Variants in SORCS1 observed in about 807,000 individuals in gnomAD.
SORCS1 encodes the protein sortilin related VPS10 domain containing receptor 1.
SORCS1 carries 60 observed loss-of-function variants against 146.1 expected under a neutral mutation model. That is an observed-to-expected ratio of 0.41 (90% CI 0.33 to 0.51). The LOEUF (loss-of-function observed/expected upper bound fraction) is 0.51. Among genes scored for constraint, SORCS1 ranks in the 20% least tolerant of loss-of-function variants. The probability of loss-of-function intolerance (pLI) is 0.21; values close to 1 mark genes in which losing one functional copy is unlikely to be tolerated. For synonymous variants in SORCS1, 637 were observed against 584.0 expected (o/e 1.09, Z -1.31); for missense variants, 1,352 against 1,487.6 (o/e 0.91, Z 1.50).
the SORCS1 span, among the ~76,000 whole-genome samples, chr10:107,171,514 CT>C: frequency 4.6e-3 from 537 of 117,284 alleles, 2 homozygotes; most frequent in Admixed American, 0.029. Context: ...GGGAATCCCC[CT>C]TTTTTTTTTT....
At chr10:107,172,916 T>C in the SORCS1 span, among the ~76,000 whole-genome samples, 2,133 of 152,332 alleles carry the variant, frequency 0.014, 36 homozygotes, top group African/African-American at 0.047. Context: ...ACATTGACAA[T>C]GTTTGTTAGC....
chr10:107,073,430 CT>C (rs1351475593), intron 1 of SORCS1, among the ~76,000 whole-genome samples: 3 of 152,098 alleles, frequency 2.0e-5, no homozygotes, highest in Non-Finnish European at 4.4e-5. Context: ...GGATTCTGCC[CT>C]CTAATTGAGG....
intron 1 of SORCS1, among the ~76,000 whole-genome samples, chr10:106,964,549 C>T (rs1031073253): frequency 5.9e-5 from 9 of 152,090 alleles, no homozygotes; most frequent in South Asian, 2.1e-4. Flanking sequence ...TGCAGTGGTG[C>T]GATCTTGGCT....
At chr10:106,719,498 C>T (rs1564894552) in intron 6 of SORCS1, among the ~76,000 whole-genome samples, 1 of 151,768 alleles carries the variant, frequency 6.6e-6, no homozygotes, top group African/African-American at 2.4e-5. Flanking sequence ...CTGCAACCTC[C>T]GTCTCCCAGG....
chr10:106,671,163 A>G (rs1851569335), intron 16 of SORCS1, 74 bp downstream of exon 16: 1 of 1,592,562 alleles, frequency 6.3e-7, no homozygotes, highest in Admixed American at 1.7e-5. Context: ...TATTATTTCA[A>G]TTCTAAGCTT....
intron 1 of SORCS1, among the ~76,000 whole-genome samples, chr10:107,146,461 G>A (rs576660242): frequency 1.3e-5 from 2 of 152,232 alleles, no homozygotes; most frequent in South Asian, 2.1e-4. Context: ...GGATCATAAC[G>A]TCTCAAAGAC....
intron 21 of SORCS1, among the ~76,000 whole-genome samples, chr10:106,614,999 T>C (rs1314179742): frequency 6.6e-6 from 1 of 151,778 alleles, no homozygotes; most frequent in Non-Finnish European, 1.5e-5. Context: ...AGACAAACCT[T>C]CCCCTGTCAA....
chr10:106,813,481 C>A (rs1471523228), intron 3 of SORCS1, among the ~76,000 whole-genome samples: 1 of 152,022 alleles, frequency 6.6e-6, no homozygotes, highest in Non-Finnish European at 1.5e-5. Flanking sequence ...GAAAAGAAAC[C>A]CAGAGTAAAC....
intron 2 of SORCS1, among the ~76,000 whole-genome samples, chr10:106,940,756 T>C (rs574622857): frequency 6.6e-6 from 1 of 152,294 alleles, no homozygotes; most frequent in African/African-American, 2.4e-5. Flanking sequence ...TGGTGGCACA[T>C]GGCTGTAATC....
At chr10:106,822,429 C>A (rs1479670404) in intron 3 of SORCS1, among the ~76,000 whole-genome samples, 1 of 152,142 alleles carries the variant, frequency 6.6e-6, no homozygotes, top group Non-Finnish European at 1.5e-5. Flanking sequence ...GTGGGCACTG[C>A]TCCTGGCACT....
At chr10:106,899,947 T>C (rs1184175001) in intron 2 of SORCS1, among the ~76,000 whole-genome samples, 1 of 152,080 alleles carries the variant, frequency 6.6e-6, no homozygotes, top group Non-Finnish European at 1.5e-5. Context: ...TATATGTATG[T>C]GTGTATGTAC....
At chr10:106,868,863 C>T (rs1040472242) in intron 2 of SORCS1, among the ~76,000 whole-genome samples, 16 of 152,066 alleles carry the variant, frequency 1.1e-4, no homozygotes, top group South Asian at 2.1e-4. Context: ...AAGAAAATCA[C>T]GACATGAAAA....
rs138764453 is a variant in SORCS1 at position 107,027,675 on chromosome 10, C to T, written c.559-71095G>A. 2.2e-4 allele frequency among the ~76,000 whole-genome samples: 33 copies of T among 152,304 alleles called. 1 individual carries two copies. The highest frequency in any genetic ancestry group is 4.6e-4 in the African/African-American group (19 of 41,554). On this transcript the variant is annotated intron_variant, in intron 1 of 25. Coordinates refer to ENST00000263054, the MANE Select transcript of SORCS1 (RefSeq NM_052918.5). ...ATCCAGCCTGATTTATCAGCAGGAT[C>T]AGCAAGGGCACCGCAGAAGTTTCAG... is the stretch of plus-strand genomic sequence containing the variant.
At chr10:106,722,056 T>C (rs1855817106) in intron 6 of SORCS1, among the ~76,000 whole-genome samples, 2 of 151,972 alleles carry the variant, frequency 1.3e-5, no homozygotes, top group Middle Eastern at 3.4e-3. Flanking sequence ...TACGTGTCTA[T>C]ACATATACAT....
chr10:107,073,352 T>G (rs1281158917), intron 1 of SORCS1, among the ~76,000 whole-genome samples: 2 of 152,292 alleles, frequency 1.3e-5, no homozygotes, highest in Non-Finnish European at 2.9e-5. Context: ...ATTTCTTCAA[T>G]AAAAATATTT....
At chr10:107,078,144 G>A (rs1246231315) in intron 1 of SORCS1, among the ~76,000 whole-genome samples, 1 of 152,080 alleles carries the variant, frequency 6.6e-6, no homozygotes, top group African/African-American at 2.4e-5. Context: ...TAAATACTGT[G>A]TAAAATACTT....
At chr10:106,878,109 G>A (rs1950661035) in intron 2 of SORCS1, among the ~76,000 whole-genome samples, 3 of 151,356 alleles carry the variant, frequency 2.0e-5, no homozygotes, top group Non-Finnish European at 2.9e-5. Flanking sequence ...ATGACTTCAG[G>A]TCTCTGTTTC....
chr10:106,579,532 A>C, intron 24 of SORCS1, 58 bp from the exon 25 acceptor site: 1 of 1,531,826 alleles, frequency 6.5e-7, no homozygotes, highest in Non-Finnish European at 9.0e-7. Context: ...GTGAGACTCT[A>C]TGAGAGGCTC....
chr10:107,089,928 C>CA (rs1964059827), intron 1 of SORCS1, among the ~76,000 whole-genome samples: 2 of 152,206 alleles, frequency 1.3e-5, no homozygotes, highest in South Asian at 4.1e-4. Context: ...AAAGGGCTCT[C>CA]AGATGGCTGC....
Sources: gnomAD v4.1 joint callset for allele counts (sites outside exome capture counted in the v4.1 genomes callset) on GRCh38, gnomAD v4.1.1 for gene constraint, MANE v1.5 for transcripts, NCBI Gene and HGNC (gene_info 2026-07-23, HGNC 2026-07-21) for gene names.